Variants in LRPPRC observed in about 807,000 individuals in gnomAD.
The protein encoded by LRPPRC is leucine-rich PPR motif-containing protein, mitochondrial.
A neutral mutation model predicts 180.3 loss-of-function variants in LRPPRC; 120 were observed. That is an observed-to-expected ratio of 0.67 (90% confidence interval 0.57 to 0.77). The LOEUF (loss-of-function observed/expected upper bound fraction) is 0.77. Ranked by LOEUF, LRPPRC falls within the 30% of genes least tolerant of loss-of-function variation. The probability of loss-of-function intolerance (pLI) is 0.00; values close to 1 mark genes in which losing one functional copy is unlikely to be tolerated. For missense variants in LRPPRC, 2,012 were observed against 1,657.2 expected, an observed-to-expected ratio of 1.21 and a Z score of -3.72; for synonymous variants, 723 against 600.0, an observed-to-expected ratio of 1.21 and a Z score of -3.00.
Position 43,918,019 on chromosome 2 carries a change from G to T in LRPPRC, c.3148+6C>A. 1 of 1,593,530 alleles carries T rather than the reference G, an allele frequency of 6.3e-7. No homozygotes were observed. Among genetic ancestry groups the T allele is most frequent in the Non-Finnish European group, 8.6e-7 (1 of 1,165,840 alleles). On this transcript the variant is annotated splice_donor_region_variant and intron_variant, in intron 29 of 37. Transcript: ENST00000260665. ...CACACACACCCCCATCCCCGTATGT[G>T]CTTGCCTTTTTTTTGGTTCAATCGG...
chr2:43,940,396 T>TA (rs1335799337), intron 23 of LRPPRC, among the ~76,000 whole-genome samples: 1 of 152,226 alleles, frequency 6.6e-6, no homozygotes, highest in Non-Finnish European at 1.5e-5. Context: ...ATTAAAGTGT[T>TA]ACAGTGAGTT....
At chr2:43,893,982 G>A (rs1670591380) in intron 36 of LRPPRC, among the ~76,000 whole-genome samples, 1 of 152,132 alleles carries the variant, frequency 6.6e-6, no homozygotes, top group African/African-American at 2.4e-5. Context: ...GATGACTGAG[G>A]AAACTTTAGA....
At chr2:43,934,125 T>A in intron 25 of LRPPRC, 65 bp downstream of exon 25, 1 of 914,588 alleles carries the variant, frequency 1.1e-6, no homozygotes, top group Non-Finnish European at 1.8e-6. Flanking sequence ...GTTAAAATTT[T>A]TAAATGTATT....
rs766892357 is a variant in LRPPRC at position 43,889,760 on chromosome 2, C to G, written c.4102G>C (p.Glu1368Gln). The change falls in exon 37 of 38, where the codon GAG (glutamate) becomes CAG (glutamine). Residue 1368 changes from glutamate to glutamine, a missense_variant. Coordinates refer to ENST00000260665, the MANE Select transcript of LRPPRC (RefSeq NM_133259.4). ...GGGGGTTCAATGAAAGGGACAGGCT[C>G]TCCAGCATACTTCAGCAAAGATGCG... ...RYASLLKYAGEPVPFIEPPES... is the reference protein window; with the variant it reads ...RYASLLKYAGQPVPFIEPPES... 1.2e-6 allele frequency: 2 copies of G among 1,613,454 alleles called. No individual in the cohort carries two copies. The highest frequency in any genetic ancestry group is 2.2e-5 in the South Asian group (2 of 91,046).
In LRPPRC at chr2:43,949,620, C is replaced by T. The variant is rs776100310; in HGVS notation, c.1717G>A (p.Glu573Lys). ...ACGCTACCCGTCGGTCCTCGAGGCT[C>T]CTGGCAATAACGTCCATCCTTGTAC... ...LLYKDGRYCQ[E>K]PRGPTEAVGY... The change falls in exon 16 of 38, where the codon GAG becomes AAG. Residue 573 changes from glutamate to lysine, a missense_variant. Physicochemically the swap from Glu to Lys is moderately conservative, Grantham distance 56. Transcript: ENST00000260665. 13 of 1,614,018 alleles carry T rather than the reference C, an allele frequency of 8.1e-6. No homozygotes were observed. The South Asian group carries it at 1.4e-4, about 18-fold the overall frequency.
chr2:43,899,224 G>T lies in LRPPRC; in HGVS notation c.3820C>A (p.Leu1274Ile). 1 of 1,612,108 alleles carries T rather than the reference G, an allele frequency of 6.2e-7. No individual in the cohort carries two copies. The highest frequency in any genetic ancestry group is 8.5e-7 in the Non-Finnish European group (1 of 1,178,286). Reference sequence around the variant, plus strand: ...CATGAGTGGAGGGTCATTACCTGTAGGAGAGCTCTGGCATCATCCACCTTG... The same window carrying T: ...CATGAGTGGAGGGTCATTACCTGTATGAGAGCTCTGGCATCATCCACCTTG... ...AGKVDDARAL[L>I]QRCGAIAEQT... Residue 1274 changes from leucine to isoleucine, a missense_variant, in exon 34 of 38, where the codon CTA becomes ATA. Transcript: ENST00000260665.
At chr2:43,907,518 A>G (rs138845281) in intron 30 of LRPPRC, among the ~76,000 whole-genome samples, 1 of 152,172 alleles carries the variant, frequency 6.6e-6, no homozygotes, top group African/African-American at 2.4e-5. Flanking sequence ...AATATCATCC[A>G]ATCATCCAAT....
At chr2:43,985,581 C>A (rs1020185393) in intron 1 of LRPPRC, among the ~76,000 whole-genome samples, 2 of 152,210 alleles carry the variant, frequency 1.3e-5, no homozygotes, top group African/African-American at 4.8e-5. Flanking sequence ...TTGCATCATA[C>A]AGCATGCTGC....
chr2:43,958,541 T>C (rs1236899960), intron 13 of LRPPRC, among the ~76,000 whole-genome samples: 2 of 152,226 alleles, frequency 1.3e-5, no homozygotes, highest in East Asian at 1.9e-4. Flanking sequence ...AGTGCTTTTA[T>C]AGTGTTTGAA....
chr2:43,977,728 A>G (rs1374375578), intron 3 of LRPPRC, among the ~76,000 whole-genome samples: 1 of 152,060 alleles, frequency 6.6e-6, no homozygotes, highest in Non-Finnish European at 1.5e-5. Context: ...GATGCATTCC[A>G]TTTTCAGCTG....
At chr2:43,915,053 CAAAAAAAAA>C (rs71393213) in intron 29 of LRPPRC, among the ~76,000 whole-genome samples, 160 of 96,896 alleles carry the variant, frequency 1.7e-3, no homozygotes, top group African/African-American at 3.6e-3. Flanking sequence ...ACTAAAAATA[CAAAAAAAAA>C]AAAAAAAAAA....
chr2:43,963,847 A>C, intron 11 of LRPPRC, 141 bp from the exon 12 acceptor site: 1 of 712,688 alleles, frequency 1.4e-6, no homozygotes, highest in Non-Finnish European at 2.5e-6. Context: ...GGCAGAAAAG[A>C]AACACTGTGA....
At chr2:43,944,428 G>A (rs1382192014) in intron 22 of LRPPRC, among the ~76,000 whole-genome samples, 1 of 152,038 alleles carries the variant, frequency 6.6e-6, no homozygotes, top group Non-Finnish European at 1.5e-5. Context: ...TAGGAAGGCA[G>A]AAACAAACAT....
intron 30 of LRPPRC, among the ~76,000 whole-genome samples, chr2:43,906,037 C>T (rs1400999381): frequency 1.3e-5 from 2 of 152,012 alleles, no homozygotes; most frequent in Admixed American, 6.5e-5. Context: ...TTTAAACAAT[C>T]GGTTCAGATT....
chr2:43,921,920 T>C (rs1671713304), intron 27 of LRPPRC, among the ~76,000 whole-genome samples: 1 of 152,218 alleles, frequency 6.6e-6, no homozygotes, highest in African/African-American at 2.4e-5. Context: ...AAATTACAAA[T>C]GTAAGGCAGT....
At chr2:43,942,134 C>T (rs577240695) in intron 23 of LRPPRC, among the ~76,000 whole-genome samples, 3 of 152,198 alleles carry the variant, frequency 2.0e-5, no homozygotes, top group South Asian at 4.1e-4. Flanking sequence ...AGACCTCTTT[C>T]GGAAAGCTTT....
chr2:43,890,727 A>G (rs774638769), intron 36 of LRPPRC, among the ~76,000 whole-genome samples: 6 of 152,112 alleles, frequency 3.9e-5, no homozygotes, highest in Non-Finnish European at 8.8e-5. Flanking sequence ...AAACAAACAA[A>G]AGCAAAACCT....
At chr2:43,934,410 A>C in intron 24 of LRPPRC, 114 bp from the exon 25 acceptor site, 1 of 651,526 alleles carries the variant, frequency 1.5e-6, no homozygotes. Context: ...ACAAATATTA[A>C]GAATAACTTA....
Position 43,995,668 on chromosome 2 carries a change from C to T in LRPPRC, c.149+131G>A, listed in dbSNP as rs1675018952. The T allele has an allele frequency of 1.0e-5, 9 of 878,444 alleles. No homozygotes were observed. The South Asian group carries it at 2.3e-4, about 22-fold the overall frequency. 54.4% of individuals were successfully genotyped at this position (878,444 alleles called of 1,614,324 possible). On this transcript the variant is annotated intron_variant, in intron 1 of 37. Transcript: ENST00000260665. ...CCCTGGTAGGGAGCGTGGTGCGGAG[C>T]CCGGGGAGGCTAGGTCCTGGGGCGG... is the stretch of plus-strand genomic sequence containing the variant.
Sources: gnomAD v4.1 joint callset for allele counts (sites outside exome capture counted in the v4.1 genomes callset) on GRCh38, gnomAD v4.1.1 for gene constraint, MANE v1.5 for transcripts, NCBI Gene and HGNC (gene_info 2026-07-23, HGNC 2026-07-21) for gene names.